Variants in ADAM2 observed in about 807,000 individuals in gnomAD.
ADAM2 encodes the protein disintegrin and metalloproteinase domain-containing protein 2.
A neutral mutation model predicts 99.3 loss-of-function variants in ADAM2; 101 were observed. The ratio of observed to expected loss-of-function variants is 1.02; its 90% CI spans 0.87 to 1.20. ADAM2 has a LOEUF of 1.20. ADAM2 is among the 50% of genes most tolerant of loss of function. ADAM2 has a pLI of 0.00. For missense variants in ADAM2, 948 were observed against 878.7 expected (o/e 1.08, Z -1.00); for synonymous variants, 323 against 287.6 (o/e 1.12, Z -1.25).
In ADAM2 at chr8:39,838,179, G is replaced by C. The variant is rs569677269; in HGVS notation, c.7C>G (p.Arg3Gly). 6.8e-6 allele frequency: 11 copies of C among 1,613,996 alleles called. No individual in the cohort carries two copies. The highest frequency in any genetic ancestry group is 9.3e-6 in the Non-Finnish European group (11 of 1,180,018). MW[R>G]VLFLLSGLGG... ...AGCCCGCTGAGCAGAAACAAGACGC[G>C]CCACATGGCTTGAAGTCCTGGGTCC... Residue 3 changes from arginine (R) to glycine (G), a missense_variant, in exon 1 of 21, where the codon CGC becomes GGC. Transcript: ENST00000265708.
chr8:39,766,862 T>C lies in ADAM2; in HGVS notation c.1493A>G (p.Asp498Gly). Residue 498 changes from aspartate (D) to glycine (G), a missense_variant, in exon 14 of 21, where the codon GAC becomes GGC. Asp to Gly is a moderately conservative substitution (Grantham distance 94). Transcript: ENST00000265708. ...VCMSGDKQCT[D>G]TFGKEVEFGP... ...ATAATAAATACCTTTGCCAAATGTG[T>C]CTGTACATTGTTTATCCCCACTCAT... 6.3e-7 allele frequency: 1 copy of C among 1,596,252 alleles called. No homozygotes were observed. The highest frequency in any genetic ancestry group is 8.6e-7 in the Non-Finnish European group (1 of 1,168,504).
chr8:39,779,743 A>G (rs1007866685), intron 10 of ADAM2, among the ~76,000 whole-genome samples: 6 of 152,204 alleles, frequency 3.9e-5, no homozygotes, highest in African/African-American at 1.4e-4. Context: ...TTATATGCCA[A>G]TCATCAGACT....
chr8:39,837,545 C>T (rs1043689201), intron 1 of ADAM2, among the ~76,000 whole-genome samples: 2 of 152,080 alleles, frequency 1.3e-5, no homozygotes, highest in Non-Finnish European at 2.9e-5. Context: ...CACTACCACC[C>T]CCAGCTAATT....
At chr8:39,760,233 T>A (rs1802297325) in intron 15 of ADAM2, among the ~76,000 whole-genome samples, 1 of 152,188 alleles carries the variant, frequency 6.6e-6, no homozygotes, top group Non-Finnish European at 1.5e-5. Flanking sequence ...ACATACTATG[T>A]ATCAGTCACC....
At chr8:39,817,215 TTAAATC>T (rs1485540633) in intron 6 of ADAM2, among the ~76,000 whole-genome samples, 1 of 152,130 alleles carries the variant, frequency 6.6e-6, no homozygotes, top group Non-Finnish European at 1.5e-5. Context: ...AAGTGGTAGA[TTAAATC>T]TAAATTATGT....
Position 39,769,414 on chromosome 8 carries a change from T to A in ADAM2, c.1190A>T (p.Glu397Val). The A allele has an allele frequency of 6.2e-7, 1 of 1,613,912 alleles. No homozygotes were observed. Among genetic ancestry groups the A allele is most frequent in the Non-Finnish European group, 8.5e-7 (1 of 1,179,848 alleles). Reference protein sequence around the residue: ...CGNAKLEAGEECDCGTEQDCA... With the variant: ...CGNAKLEAGEVCDCGTEQDCA... ...AACCTGTTCAGTCCCACAGTCACAC[T>A]CCTCTCCTGCTTCCAGCTTTGCATT... Residue 397 changes from glutamate (E) to valine (V), a missense_variant, in exon 12 of 21, where the codon GAG becomes GTG. Physicochemically the swap from Glu to Val is moderately radical, Grantham distance 121 (BLOSUM62 -2). Transcript: ENST00000265708.
intron 15 of ADAM2, among the ~76,000 whole-genome samples, chr8:39,757,330 G>A (rs1335504355): frequency 1.3e-5 from 2 of 152,102 alleles, no homozygotes; most frequent in African/African-American, 2.4e-5. Context: ...ACACCGGAAT[G>A]TAACCAGAAA....
chr8:39,747,130 G>A (rs1012778877), intron 18 of ADAM2, among the ~76,000 whole-genome samples: 1 of 152,120 alleles, frequency 6.6e-6, no homozygotes, highest in African/African-American at 2.4e-5. Flanking sequence ...AAGAAGTGTG[G>A]TTTCTGACTT....
At chr8:39,837,306 A>G (rs1003817193) in intron 1 of ADAM2, 94 bp from the exon 2 acceptor site, 1 of 705,766 alleles carries the variant, frequency 1.4e-6, no homozygotes, top group Non-Finnish European at 2.3e-6. Flanking sequence ...TCTCTATTCT[A>G]TACGCTGCTT....
chr8:39,747,740 T>C (rs995020582), intron 18 of ADAM2, among the ~76,000 whole-genome samples: 3 of 152,196 alleles, frequency 2.0e-5, no homozygotes, highest in Non-Finnish European at 4.4e-5. Context: ...AGTAGTTTCA[T>C]AGTAGGCATG....
In ADAM2 at chr8:39,760,875, T is replaced by C. The variant is rs770664315; in HGVS notation, c.1613+301A>G. On this transcript the variant is annotated intron_variant, in intron 15 of 20. Transcript: ENST00000265708. ...TCCAGCCTAGGCAACAGAGTGAGAC[T>C]CCATCTCAAAAAAAAAAAAAAAAAA... is the stretch of plus-strand genomic sequence containing the variant. 1.5e-3 allele frequency among the ~76,000 whole-genome samples: 141 copies of C among 92,520 alleles called. 2 individuals are homozygous for C. Among genetic ancestry groups the C allele is most frequent in the Non-Finnish European group, 1.4e-3 (76 of 54,104 alleles). The allele number at this position is 92,520 out of a possible 152,430, so 60.7% of individuals were successfully genotyped here.
chr8:39,772,293 T>C (rs1454988489), intron 11 of ADAM2, among the ~76,000 whole-genome samples: 1 of 152,016 alleles, frequency 6.6e-6, no homozygotes, highest in Non-Finnish European at 1.5e-5. Flanking sequence ...GTACAATGTC[T>C]AAATTTCTCA....
At chr8:39,803,151 A>C (rs1804285790) in intron 7 of ADAM2, among the ~76,000 whole-genome samples, 1 of 152,164 alleles carries the variant, frequency 6.6e-6, no homozygotes, top group Non-Finnish European at 1.5e-5. Flanking sequence ...TAAATAAAAA[A>C]CTGCAGCATC....
chr8:39,802,693 G>A (rs933497480), intron 7 of ADAM2, among the ~76,000 whole-genome samples: 3 of 152,086 alleles, frequency 2.0e-5, no homozygotes, highest in Non-Finnish European at 4.4e-5. Context: ...CCCAATGTGC[G>A]AGACACTCAG....
At chr8:39,791,859 C>T (rs1233383574) in intron 7 of ADAM2, among the ~76,000 whole-genome samples, 1 of 152,010 alleles carries the variant, frequency 6.6e-6, no homozygotes, top group African/African-American at 2.4e-5. Context: ...AAAGGAATCT[C>T]AGAGCCGAGC....
intron 15 of ADAM2, among the ~76,000 whole-genome samples, chr8:39,760,775 A>G (rs1802328958): frequency 6.6e-6 from 1 of 151,538 alleles, no homozygotes; most frequent in Non-Finnish European, 1.5e-5. Flanking sequence ...AAGCAGTAAA[A>G]ATTCGTGTAT....
intron 7 of ADAM2, among the ~76,000 whole-genome samples, chr8:39,807,196 C>G (rs924653772): frequency 6.6e-6 from 1 of 152,232 alleles, no homozygotes; most frequent in East Asian, 1.9e-4. Context: ...TCTTGCTAGA[C>G]TTTCGGACTT....
chr8:39,776,265 A>G (rs192104272), intron 11 of ADAM2, among the ~76,000 whole-genome samples: 2 of 152,190 alleles, frequency 1.3e-5, no homozygotes, highest in East Asian at 3.9e-4. Context: ...CAGGTCCCCC[A>G]TCCCTGCCAC....
At chr8:39,746,230 T>C (rs1823444600) in intron 19 of ADAM2, among the ~76,000 whole-genome samples, 1 of 152,056 alleles carries the variant, frequency 6.6e-6, no homozygotes, top group South Asian at 2.1e-4. Flanking sequence ...TTTCATCATG[T>C]TGCCCAGGCT....
Sources: allele counts gnomAD v4.1 joint callset (sites outside exome capture counted in the v4.1 genomes callset), GRCh38; gene constraint gnomAD v4.1.1; transcripts MANE v1.5; gene names NCBI Gene and HGNC (gene_info 2026-07-23, HGNC 2026-07-21).